Variants in ABHD2 observed in about 807,000 individuals in gnomAD.
ABHD2 encodes abhydrolase domain containing 2, acylglycerol lipase, also known as monoacylglycerol lipase ABHD2.
A neutral mutation model predicts 48.1 loss-of-function variants in ABHD2; 20 were observed. That is an observed-to-expected ratio of 0.42 (90% CI 0.29 to 0.60). The LOEUF (loss-of-function observed/expected upper bound fraction) is 0.60, where lower values mean the gene tolerates loss of function less well. ABHD2 is among the 20% of genes least tolerant of loss of function. The pLI is 0.24. For synonymous variants in ABHD2, 209 were observed against 214.2 expected, an observed-to-expected ratio of 0.98 and a Z score of 0.21; for missense variants, 405 against 550.9, an observed-to-expected ratio of 0.74 and a Z score of 2.65.
rs183818531 is a variant in ABHD2 at position 89,158,247 on chromosome 15, A to G, written c.538+2713A>G. On this transcript the variant is annotated intron_variant, in intron 5 of 10. Coordinates refer to ENST00000352732, the MANE Select transcript of ABHD2 (RefSeq NM_152924.5). The stretch of plus-strand genomic sequence containing the variant: ...GAAAAAACTGAGGCATAGAGAGGTT[A>G]AGTGATTTGGGCAAGGGCACAGAGC... 5.3e-5 allele frequency among the ~76,000 whole-genome samples: 8 copies of G among 152,328 alleles called. No homozygotes were observed. In the East Asian group the frequency reaches 1.2e-3, roughly 22 times the overall value.
rs939312042 is a variant in ABHD2, at chr15:89,094,239, C to T, written c.-107+5676C>T. ...TCCCGGGTTCAAGCGATTTTCCTGC[C>T]TCAGCCTCTCATTTTATCTTGGATA... On this transcript the variant is annotated intron_variant, in intron 1 of 10. Coordinates refer to ENST00000352732, the MANE Select transcript of ABHD2 (RefSeq NM_152924.5). The surrounding 1 kb of genome is among the most constrained non-coding windows in gnomAD (Gnocchi z 4.7). The T allele has an allele frequency of 6.6e-6, 1 of 152,210 alleles. No homozygotes were observed. The highest frequency in any genetic ancestry group is 2.4e-5 in the African/African-American group (1 of 41,428). The allele number at this position is 152,210 out of a possible 1,614,324, so 9.4% of individuals were successfully genotyped here.
intron 3 of ABHD2, among the ~76,000 whole-genome samples, chr15:89,123,404 C>G (rs1258334092): frequency 6.6e-6 from 1 of 152,152 alleles, no homozygotes; most frequent in Non-Finnish European, 1.5e-5. Context: ...AGTCATCCAT[C>G]AGCCTTGGTT....
At chr15:89,157,740 G>T (rs2050697243) in intron 5 of ABHD2, among the ~76,000 whole-genome samples, 1 of 152,026 alleles carries the variant, frequency 6.6e-6, no homozygotes. Flanking sequence ...CTACTCGGGA[G>T]GCTGAGGCAG....
At chr15:89,162,127 T>C (rs951825070) in intron 5 of ABHD2, among the ~76,000 whole-genome samples, 1 of 152,176 alleles carries the variant, frequency 6.6e-6, no homozygotes, top group Non-Finnish European at 1.5e-5. Flanking sequence ...TATAGTCACA[T>C]TCTGAGGTAC....
At chr15:89,068,959 G>A in the ABHD2 span, among the ~76,000 whole-genome samples, 1 of 150,904 alleles carries the variant, frequency 6.6e-6, no homozygotes, top group African/African-American at 2.4e-5. Context: ...AGTAGAAATG[G>A]GGTTTCACCA....
intron 1 of ABHD2, among the ~76,000 whole-genome samples, chr15:89,095,121 T>C (rs2049593116): frequency 1.3e-5 from 2 of 148,952 alleles, no homozygotes; most frequent in Admixed American, 1.3e-4. Context: ...AAGATCAATA[T>C]CTCAGATTAA....
Position 89,186,367 on chromosome 15 carries a change from A to ATT in ABHD2, c.815+851_815+852insTT, listed in dbSNP as rs2051210126. On this transcript the variant is annotated intron_variant, in intron 7 of 10. Transcript: ENST00000352732. The surrounding 1 kb of genome is among the most constrained non-coding windows in gnomAD (Gnocchi z 4.3). The stretch of plus-strand genomic sequence containing the variant: ...TGCATAGCACCAGATAAATATTAGC[A>ATT]ATGACTTTTTCATTATGATTATTAT... Among the ~76,000 whole-genome samples, 3 of 152,186 alleles carry ATT rather than the reference A, an allele frequency of 2.0e-5. No individual in the cohort carries two copies. The highest frequency in any genetic ancestry group is 2.9e-5 in the Non-Finnish European group (2 of 68,042).
the ABHD2 span, among the ~76,000 whole-genome samples, chr15:89,055,471 T>TG: frequency 1.3e-5 from 2 of 151,788 alleles, no homozygotes; most frequent in South Asian, 2.1e-4. Flanking sequence ...TAGCTGGGAC[T>TG]ATAGGCGAAT....
chr15:89,120,483 T>G lies in ABHD2; in HGVS notation c.194+3962T>G, dbSNP rs1042249766. Among the ~76,000 whole-genome samples the G allele has an allele frequency of 2.0e-5, 3 of 152,174 alleles. No individual in the cohort carries two copies. Among genetic ancestry groups the G allele is most frequent in the African/African-American group, 7.2e-5 (3 of 41,442 alleles). On this transcript the variant is annotated intron_variant, in intron 3 of 10. Coordinates refer to ENST00000352732, the MANE Select transcript of ABHD2 (RefSeq NM_152924.5). This position sits in a 1 kb window ranked among gnomAD's most constrained non-coding sequence, Gnocchi z 4.2. ...ATTATCTATAAATGTTATAGCTCTTTCTTTTTTCTTTTTTGAGACAGAGTC... is the reference window on the plus strand; with the variant it reads ...ATTATCTATAAATGTTATAGCTCTTGCTTTTTTCTTTTTTGAGACAGAGTC...
intron 6 of ABHD2, among the ~76,000 whole-genome samples, chr15:89,181,797 C>T (rs1346910411): frequency 6.6e-6 from 1 of 152,232 alleles, no homozygotes; most frequent in African/African-American, 2.4e-5. Flanking sequence ...GCTGAGCCTT[C>T]TCTAAGCAGT....
In ABHD2 at chr15:89,179,826, A is replaced by G. The variant is rs1449180893; in HGVS notation, c.722+3831A>G. 6.6e-6 allele frequency among the ~76,000 whole-genome samples: 1 copy of G among 152,168 alleles called. No homozygotes were observed. Among genetic ancestry groups the G allele is most frequent in the African/African-American group, 2.4e-5 (1 of 41,438 alleles). On this transcript the variant is annotated intron_variant, in intron 6 of 10. Transcript: ENST00000352732. This position sits in a 1 kb window ranked among gnomAD's most constrained non-coding sequence, Gnocchi z 4.3. Reference sequence around the variant, plus strand: ...ATACTCCGGGCTAAGTGGATGTGTTAACATCACTAAGACCTGACCTCCTTG... The same window carrying G: ...ATACTCCGGGCTAAGTGGATGTGTTGACATCACTAAGACCTGACCTCCTTG...
chr15:89,176,025 T>A lies in ABHD2; in HGVS notation c.722+30T>A. ...GTCATCTCCGCCTTCCATCAGGGCC[T>A]TCAGTTAGCCCTTATTTATAGAGAT... On this transcript the variant is annotated intron_variant, in intron 6 of 10. Coordinates refer to ENST00000352732, the MANE Select transcript of ABHD2 (RefSeq NM_152924.5). This position sits in a 1 kb window ranked among gnomAD's most constrained non-coding sequence, Gnocchi z 4.5. 1 of 1,565,550 alleles carries A rather than the reference T, an allele frequency of 6.4e-7. No individual in the cohort carries two copies. Among genetic ancestry groups the A allele is most frequent in the Non-Finnish European group, 8.7e-7 (1 of 1,154,598 alleles).
In ABHD2 at chr15:89,175,694, C is replaced by G; in HGVS notation, c.539-118C>G. ...CCCGACACACACACGTATATATACA[C>G]ATATATATTTCTCTCTCTTTTAGTA... On this transcript the variant is annotated intron_variant, in intron 5 of 10. Transcript: ENST00000352732. The surrounding 1 kb of genome is among the most constrained non-coding windows in gnomAD (Gnocchi z 5.7). The G allele has an allele frequency of 1.9e-6, 2 of 1,031,844 alleles. No individual in the cohort carries two copies. The highest frequency in any genetic ancestry group is 3.0e-6 in the Non-Finnish European group (2 of 675,898). The allele number at this position is 1,031,844 out of a possible 1,614,324, so 63.9% of individuals were successfully genotyped here. A position where few individuals can be genotyped will look rare whatever the true frequency, so the allele number is the denominator to read the frequency against.
At chr15:89,142,126 T>C (rs550167442) in intron 3 of ABHD2, among the ~76,000 whole-genome samples, 3 of 152,328 alleles carry the variant, frequency 2.0e-5, no homozygotes, top group South Asian at 4.1e-4. Flanking sequence ...TCAACCCTGC[T>C]CTTGACTAGC....
At chr15:89,060,184 A>G in the ABHD2 span, among the ~76,000 whole-genome samples, 1 of 143,414 alleles carries the variant, frequency 7.0e-6, no homozygotes, top group Non-Finnish European at 1.5e-5. Context: ...TCCATCTCCT[A>G]GGTACAAGCA....
At chr15:89,143,344 T>C (rs1229121968) in intron 3 of ABHD2, among the ~76,000 whole-genome samples, 3 of 152,218 alleles carry the variant, frequency 2.0e-5, no homozygotes, top group African/African-American at 7.2e-5. Context: ...AGGAGACTGA[T>C]AGTATATATT....
At chr15:89,136,878 AGCAGACCATTG>A (rs1459367643) in intron 3 of ABHD2, among the ~76,000 whole-genome samples, 1 of 152,236 alleles carries the variant, frequency 6.6e-6, no homozygotes, top group Non-Finnish European at 1.5e-5. Flanking sequence ...TTGGACAAAG[AGCAGACCATTG>A]GCATCTATGT....
the ABHD2 span, among the ~76,000 whole-genome samples, chr15:89,049,474 G>A: frequency 1.9e-3 from 282 of 152,318 alleles, 1 homozygote; most frequent in South Asian, 0.01. Context: ...AATGGCGGGC[G>A]CCCCTCCCCC....
intron 4 of ABHD2, among the ~76,000 whole-genome samples, chr15:89,154,432 G>A (rs554231550): frequency 4.6e-5 from 7 of 152,224 alleles, no homozygotes; most frequent in South Asian, 2.1e-4. Context: ...ATATTTTTAA[G>A]TAGGCAAGTC....
Sources: allele counts gnomAD v4.1 joint callset (sites outside exome capture counted in the v4.1 genomes callset), GRCh38; gene constraint gnomAD v4.1.1; non-coding constraint Gnocchi (gnomAD v3.1); transcripts MANE v1.5; gene names NCBI Gene and HGNC (gene_info 2026-07-23, HGNC 2026-07-21).